The following RABEPK variants were observed in gnomAD, a reference collection of about 807,000 sequenced individuals.
The protein encoded by RABEPK is Rab9 effector protein with kelch motifs, also known as 40 kDa Rab9 effector protein.
Under a neutral mutation model 34.1 loss-of-function variants are expected in RABEPK, and 27 were observed. The observed-to-expected ratio is 0.79, with a 90% CI of 0.58 to 1.09. RABEPK has a LOEUF of 1.09. RABEPK is among the 50% of genes least tolerant of loss of function. The pLI is 0.00. For synonymous variants in RABEPK, 172 were observed against 169.2 expected (o/e 1.02, Z -0.13); for missense variants, 449 against 462.6 (o/e 0.97, Z 0.27).
chr9:125,231,342 A>G (rs747774244), intron 6 of RABEPK, among the ~76,000 whole-genome samples: 6 of 152,236 alleles, frequency 3.9e-5, no homozygotes, highest in Non-Finnish European at 7.4e-5. Flanking sequence ...TCCCTGCAAA[A>G]ATAGGTGGGA....
rs182931343 is a variant in RABEPK at position 125,230,746 on chromosome 9, A to C, written c.677-1850A>C. Among the ~76,000 whole-genome samples, 687 of 151,354 alleles carry C rather than the reference A, an allele frequency of 4.5e-3. 5 individuals are homozygous for C. Among genetic ancestry groups the C allele is most frequent in the African/African-American group, 0.016 (647 of 41,336 alleles). ...GAGACAGGGTTTCACCGTGTTAGCC[A>C]GGATGGTCTCAATCTCCTGACCTTG... On this transcript the variant is annotated intron_variant, in intron 6 of 7. Coordinates refer to ENST00000373538, the MANE Select transcript of RABEPK (RefSeq NM_005833.4).
At chr9:125,214,139 A>AAAAAG (rs1830765466) in intron 4 of RABEPK, among the ~76,000 whole-genome samples, 1 of 151,788 alleles carries the variant, frequency 6.6e-6, no homozygotes, top group African/African-American at 2.4e-5. Context: ...AAAGAAAAAG[A>AAAAAG]AAAAAAAATT....
intron 7 of RABEPK, among the ~76,000 whole-genome samples, chr9:125,233,098 A>G (rs1397126697): frequency 4.0e-5 from 6 of 151,476 alleles, no homozygotes; most frequent in African/African-American, 1.4e-4. Context: ...AAAAAGAAAG[A>G]AAGAAAAAAG....
At chr9:125,224,578 G>A (rs529142188) in intron 5 of RABEPK, among the ~76,000 whole-genome samples, 33 of 151,100 alleles carry the variant, frequency 2.2e-4, no homozygotes, top group African/African-American at 9.7e-5. Flanking sequence ...TCAGCCTCCC[G>A]AGTAGCTTGG....
intron 2 of RABEPK, among the ~76,000 whole-genome samples, chr9:125,207,070 C>T (rs1830271167): frequency 1.4e-5 from 2 of 145,026 alleles, no homozygotes; most frequent in African/African-American, 5.1e-5. Context: ...GCCTGGGCAA[C>T]AAGAGCAAAA....
chr9:125,220,133 G>A (rs753328614), intron 4 of RABEPK, among the ~76,000 whole-genome samples: 10 of 151,924 alleles, frequency 6.6e-5, no homozygotes, highest in Non-Finnish European at 1.0e-4. Context: ...TGAGGAGCTG[G>A]GATTACAGGT....
At chr9:125,224,610 G>A (rs1020042963) in intron 5 of RABEPK, among the ~76,000 whole-genome samples, 3 of 151,750 alleles carry the variant, frequency 2.0e-5, no homozygotes, top group Admixed American at 6.6e-5. Flanking sequence ...ATGCCACCAC[G>A]CCTGGCTAAT....
At chr9:125,220,862 T>C (rs1436831152) in intron 5 of RABEPK, 162 bp downstream of exon 5, 2 of 1,018,676 alleles carry the variant, frequency 2.0e-6, no homozygotes, top group African/African-American at 3.3e-5. Flanking sequence ...ACAGCAAAAT[T>C]GGCATTTAAA....
intron 3 of RABEPK, among the ~76,000 whole-genome samples, chr9:125,212,221 T>C (rs1413050687): frequency 1.3e-5 from 2 of 151,804 alleles, no homozygotes; most frequent in Non-Finnish European, 2.9e-5. Flanking sequence ...AAGGTTAGGG[T>C]TTTTTGTTTG....
At chr9:125,210,159 T>G (rs190213116) in intron 3 of RABEPK, among the ~76,000 whole-genome samples, 2 of 152,296 alleles carry the variant, frequency 1.3e-5, no homozygotes, top group East Asian at 3.9e-4. Flanking sequence ...ATCCCAGCAC[T>G]TTGGGAGGCT....
chr9:125,220,216 G>C, intron 4 of RABEPK: 2 of 957,354 alleles, frequency 2.1e-6, no homozygotes, highest in Non-Finnish European at 2.8e-6. Flanking sequence ...TGGCCAGGCT[G>C]GTTTCGAACT....
chr9:125,206,301 A>G (rs1013361500), intron 2 of RABEPK, among the ~76,000 whole-genome samples: 9 of 151,986 alleles, frequency 5.9e-5, no homozygotes, highest in African/African-American at 1.9e-4. Context: ...CTGGGAGTTC[A>G]AGGCTGGCCA....
At chr9:125,207,260 C>G (rs1325618165) in intron 2 of RABEPK, among the ~76,000 whole-genome samples, 1 of 152,114 alleles carries the variant, frequency 6.6e-6, no homozygotes. Context: ...CCATCCTGTG[C>G]CAAGACCCAT....
chr9:125,216,357 T>C (rs528997180), intron 4 of RABEPK, among the ~76,000 whole-genome samples: 7 of 151,862 alleles, frequency 4.6e-5, no homozygotes, highest in Non-Finnish European at 1.0e-4. Context: ...ATCAACAATA[T>C]ATTTGGGGTG....
Position 125,227,951 on chromosome 9 carries a change from C to G in RABEPK, c.568C>G (p.Pro190Ala). Residue 190 changes from proline (P) to alanine (A), a missense_variant, in exon 6 of 8, where the codon CCA (proline) becomes GCA (alanine). Coordinates refer to ENST00000373538, the MANE Select transcript of RABEPK (RefSeq NM_005833.4). ...WSQPETLGNP[P>A]SPRHGHVMVA... ...ACAGCCAGAGACACTTGGAAATCCT[C>G]CATCTCCCCGGCATGGTCATGTGAT... The G allele has an allele frequency of 6.2e-7, 1 of 1,608,538 alleles. No homozygotes were observed. The highest frequency in any genetic ancestry group is 1.7e-5 in the Admixed American group (1 of 59,436).
At chr9:125,232,217 TACACACACACACAC>T (rs34676967) in intron 6 of RABEPK, among the ~76,000 whole-genome samples, 15 of 118,086 alleles carry the variant, frequency 1.3e-4, no homozygotes, top group Non-Finnish European at 2.4e-4. Flanking sequence ...GTATTTAAAG[TACACACACACACAC>T]ACACACACAC....
At chr9:125,218,047 C>A (rs1371521181) in intron 4 of RABEPK, among the ~76,000 whole-genome samples, 6 of 151,820 alleles carry the variant, frequency 4.0e-5, no homozygotes, top group Non-Finnish European at 8.8e-5. Flanking sequence ...CGCGGTAGCT[C>A]ACGCCTGTAA....
chr9:125,202,685 C>T (rs182376696), intron 1 of RABEPK, among the ~76,000 whole-genome samples: 14 of 152,040 alleles, frequency 9.2e-5, no homozygotes, highest in Admixed American at 7.2e-4. Flanking sequence ...GAAAAATTAG[C>T]TGGGCGTAGT....
chr9:125,220,318 T>G, intron 4 of RABEPK: 1 of 1,435,036 alleles, frequency 7.0e-7, no homozygotes, highest in Non-Finnish European at 9.2e-7. Context: ...TCCATTCTTG[T>G]GCTTACAGCT....
Sources: gnomAD v4.1 joint callset for allele counts (sites outside exome capture counted in the v4.1 genomes callset) on GRCh38, gnomAD v4.1.1 for gene constraint, MANE v1.5 for transcripts, NCBI Gene and HGNC (gene_info 2026-07-23, HGNC 2026-07-21) for gene names.